Variants in RGS6 observed in about 807,000 individuals in gnomAD.
RGS6 encodes regulator of G-protein signaling 6.
A neutral mutation model predicts 78.5 loss-of-function variants in RGS6; 30 were observed. The ratio of observed to expected loss-of-function variants is 0.38; its 90% confidence interval spans 0.29 to 0.52. RGS6 has a LOEUF of 0.52. Among genes scored for constraint, RGS6 ranks in the 20% least tolerant of loss-of-function variants. RGS6 has a pLI of 0.85. For missense variants in RGS6, 495 were observed against 609.7 expected (o/e 0.81, Z 1.98); for synonymous variants, 206 against 206.0 (o/e 1.00, Z 0.00).
chr14:71,881,030 C>A, the RGS6 span, among the ~76,000 whole-genome samples: 1 of 152,174 alleles, frequency 6.6e-6, no homozygotes, highest in Non-Finnish European at 1.5e-5. Context: ...ATCAGTGTGA[C>A]CTGTATGTGA....
At chr14:71,948,414 T>C (rs757827282) in intron 1 of RGS6, among the ~76,000 whole-genome samples, 3 of 152,178 alleles carry the variant, frequency 2.0e-5, no homozygotes, top group Non-Finnish European at 4.4e-5. Flanking sequence ...TGCCATGATG[T>C]CATTTTTTGC....
intron 2 of RGS6, among the ~76,000 whole-genome samples, chr14:72,198,568 C>T (rs1216629193): frequency 2.6e-5 from 4 of 152,144 alleles, no homozygotes; most frequent in Admixed American, 2.0e-4. Flanking sequence ...CTACACATAC[C>T]TGAGTAAGAA....
chr14:72,407,312 G>C (rs905616602), intron 3 of RGS6, among the ~76,000 whole-genome samples: 1 of 152,178 alleles, frequency 6.6e-6, no homozygotes, highest in Non-Finnish European at 1.5e-5. Context: ...TTGTAGGCTT[G>C]TCGTTTGGAG....
intron 1 of RGS6, among the ~76,000 whole-genome samples, chr14:71,954,767 G>C (rs1425610662): frequency 6.6e-6 from 1 of 152,010 alleles, no homozygotes; most frequent in Non-Finnish European, 1.5e-5. Flanking sequence ...CTTTTCAAAG[G>C]AGTTTTAAAA....
At chr14:72,028,708 A>G (rs2090342923) in intron 2 of RGS6, among the ~76,000 whole-genome samples, 1 of 152,204 alleles carries the variant, frequency 6.6e-6, no homozygotes, top group African/African-American at 2.4e-5. Context: ...TAGGTGATTC[A>G]TGGTGGGAAG....
At chr14:72,451,898 T>C (rs7146819) in intron 3 of RGS6, among the ~76,000 whole-genome samples, 99,349 of 151,850 alleles carry the variant, frequency 0.65, 32,895 homozygotes, top group East Asian at 0.83. Context: ...GACTCAGGCA[T>C]GTGGCACCAC....
intron 2 of RGS6, among the ~76,000 whole-genome samples, chr14:72,341,048 A>G (rs916673254): frequency 7.9e-5 from 12 of 152,206 alleles, no homozygotes; most frequent in Non-Finnish European, 1.8e-4. Flanking sequence ...AATAAAAAAT[A>G]TAGAACATGG....
chr14:72,545,554 C>G (rs2097383412), intron 17 of RGS6, among the ~76,000 whole-genome samples: 1 of 152,212 alleles, frequency 6.6e-6, no homozygotes, highest in South Asian at 2.1e-4. Flanking sequence ...GTGCTTCCCT[C>G]TGTCCTGAGA....
At chr14:72,263,580 C>T (rs2058547161) in intron 2 of RGS6, among the ~76,000 whole-genome samples, 1 of 152,192 alleles carries the variant, frequency 6.6e-6, no homozygotes. Flanking sequence ...GAAAGTAGGT[C>T]TTTTGGGAGC....
intron 2 of RGS6, among the ~76,000 whole-genome samples, chr14:72,047,892 ATTTTTGTTTTTT>A (rs1394757010): frequency 3.6e-5 from 3 of 83,446 alleles, no homozygotes; most frequent in African/African-American, 1.1e-4. Context: ...TGCCCAGCTA[ATTTTTGTTTTTT>A]TTTTTTTTTT....
intron 2 of RGS6, among the ~76,000 whole-genome samples, chr14:72,022,737 G>A (rs2088960800): frequency 2.6e-5 from 4 of 152,050 alleles, no homozygotes; most frequent in Admixed American, 2.6e-4. Context: ...ATTCTTTCAT[G>A]CTTCCTATTA....
intron 2 of RGS6, among the ~76,000 whole-genome samples, chr14:72,019,243 G>A (rs550184950): frequency 6.6e-6 from 1 of 152,224 alleles, no homozygotes; most frequent in African/African-American, 2.4e-5. Flanking sequence ...TTACATGTCT[G>A]AACAGTAATA....
chr14:72,530,657 C>CTCCA (rs1479971034), intron 15 of RGS6, among the ~76,000 whole-genome samples: 1 of 152,218 alleles, frequency 6.6e-6, no homozygotes, highest in East Asian at 1.9e-4. Flanking sequence ...CACCACTGCA[C>CTCCA]TCCAGCCTGG....
intron 2 of RGS6, among the ~76,000 whole-genome samples, chr14:72,237,789 A>G (rs2051517883): frequency 6.6e-6 from 1 of 152,140 alleles, no homozygotes; most frequent in South Asian, 2.1e-4. Context: ...TGTGGCAAGA[A>G]TGAACCCCGT....
the RGS6 span, among the ~76,000 whole-genome samples, chr14:71,913,120 C>G: frequency 6.6e-6 from 1 of 152,210 alleles, no homozygotes; most frequent in Non-Finnish European, 1.5e-5. Flanking sequence ...AGCCACCGCG[C>G]CTGGCCTACA....
At chr14:72,131,802 A>G (rs1228200654) in intron 2 of RGS6, among the ~76,000 whole-genome samples, 1 of 152,246 alleles carries the variant, frequency 6.6e-6, no homozygotes, top group Non-Finnish European at 1.5e-5. Context: ...TTCTCAATAT[A>G]CATTAAAGAA....
chr14:72,174,154 G>A (rs2097069749), intron 2 of RGS6, among the ~76,000 whole-genome samples: 1 of 152,156 alleles, frequency 6.6e-6, no homozygotes, highest in East Asian at 1.9e-4. Context: ...TGTTGCCCAG[G>A]CTCAAGTGCA....
intron 2 of RGS6, among the ~76,000 whole-genome samples, chr14:72,249,360 C>G (rs542004266): frequency 2.0e-5 from 3 of 152,256 alleles, no homozygotes; most frequent in Admixed American, 2.0e-4. Context: ...TTTTCCTCTT[C>G]CTGGTGCAGA....
chr14:72,310,165 C>G (rs965640613), intron 2 of RGS6, among the ~76,000 whole-genome samples: 1 of 152,230 alleles, frequency 6.6e-6, no homozygotes, highest in Non-Finnish European at 1.5e-5. Context: ...CTGAGCAGAG[C>G]CAGGTGCAGG....
Sources: gnomAD v4.1 joint callset for allele counts (sites outside exome capture counted in the v4.1 genomes callset) on GRCh38, gnomAD v4.1.1 for gene constraint, MANE v1.5 for transcripts, NCBI Gene and HGNC (gene_info 2026-07-23, HGNC 2026-07-21) for gene names.